The following SLC49A4 variants were observed in gnomAD, a reference collection of about 807,000 sequenced individuals.
SLC49A4 encodes the protein solute carrier family 49 member 4.
A neutral mutation model predicts 50.6 loss-of-function variants in SLC49A4; 36 were observed. The observed-to-expected ratio is 0.71, with a 90% CI of 0.55 to 0.94. The LOEUF is 0.94. Among genes scored for constraint, SLC49A4 ranks in the 40% least tolerant of loss-of-function variants. The pLI is 0.00. For synonymous variants in SLC49A4, 248 were observed against 241.2 expected (o/e 1.03, Z -0.26); for missense variants, 503 against 605.7 (o/e 0.83, Z 1.78).
chr3:122,852,819 T>A (rs1437725029), intron 5 of SLC49A4, among the ~76,000 whole-genome samples: 1 of 152,214 alleles, frequency 6.6e-6, no homozygotes, highest in Non-Finnish European at 1.5e-5. Flanking sequence ...CCACCTTGTC[T>A]GAAATTAGCA....
intron 8 of SLC49A4, among the ~76,000 whole-genome samples, chr3:122,873,187 T>TC (rs1295118016): frequency 6.6e-6 from 1 of 152,120 alleles, no homozygotes; most frequent in African/African-American, 2.4e-5. Context: ...TTGAAACTTT[T>TC]TTTTTTTTTT....
At chr3:122,857,840 T>TA (rs2107578795) in intron 6 of SLC49A4, among the ~76,000 whole-genome samples, 2 of 152,256 alleles carry the variant, frequency 1.3e-5, no homozygotes, top group South Asian at 4.2e-4. Flanking sequence ...GGGGAACAAT[T>TA]ATGTATCAAA....
At chr3:122,871,848 G>T (rs1198413390) in intron 7 of SLC49A4, among the ~76,000 whole-genome samples, 1 of 151,952 alleles carries the variant, frequency 6.6e-6, no homozygotes, top group Non-Finnish European at 1.5e-5. Flanking sequence ...TACATTTCTG[G>T]ATGAAGTCTT....
At chr3:122,806,723 CA>C in intron 1 of SLC49A4, 133 bp from the exon 2 acceptor site, 2 of 560,796 alleles carry the variant, frequency 3.6e-6, no homozygotes. Flanking sequence ...TTTTTTTTTC[CA>C]TTTTTAAAGT....
chr3:122,810,878 A>C (rs1936288916), intron 2 of SLC49A4, among the ~76,000 whole-genome samples: 1 of 152,222 alleles, frequency 6.6e-6, no homozygotes, highest in African/African-American at 2.4e-5. Flanking sequence ...CTGCTTAGCT[A>C]TCTGAATAAA....
At chr3:122,860,462 G>T (rs1184252576) in intron 7 of SLC49A4, among the ~76,000 whole-genome samples, 1 of 152,104 alleles carries the variant, frequency 6.6e-6, no homozygotes, top group Non-Finnish European at 1.5e-5. Flanking sequence ...GCTTATATTT[G>T]TTTAAAATTT....
intron 5 of SLC49A4, among the ~76,000 whole-genome samples, chr3:122,854,863 G>A (rs990563532): frequency 1.8e-4 from 27 of 152,088 alleles, no homozygotes; most frequent in East Asian, 3.9e-4. Context: ...AGGCCGAGGC[G>A]GGCGGATCAC....
At chr3:122,801,698 C>A (rs1251345210) in intron 1 of SLC49A4, among the ~76,000 whole-genome samples, 1 of 152,142 alleles carries the variant, frequency 6.6e-6, no homozygotes, top group African/African-American at 2.4e-5. Flanking sequence ...AAGAGCGTAC[C>A]TCAGACCATG....
intron 4 of SLC49A4, among the ~76,000 whole-genome samples, chr3:122,835,729 G>A (rs971564076): frequency 2.6e-5 from 4 of 152,168 alleles, no homozygotes; most frequent in Admixed American, 2.0e-4. Context: ...ACTTCAGTTC[G>A]AAAGTACTAG....
intron 8 of SLC49A4, among the ~76,000 whole-genome samples, chr3:122,874,540 TA>T (rs1937238482): frequency 6.6e-6 from 1 of 152,066 alleles, no homozygotes; most frequent in Non-Finnish European, 1.5e-5. Context: ...GTGTAGATGT[TA>T]AAAAGTTTCC....
At position 122,845,786 on chromosome 3, in the gene SLC49A4, C is replaced by T. The variant is rs1936840645; in HGVS notation, c.857C>T (p.Ala286Val). ...AGCAATTTTCGATTTTTGATGATTG[C>T]TTTAGCATATGCCATACCACTTGGT... ...LLSNFRFLMIALAYAIPLGVF... is the reference protein window; with the variant it reads ...LLSNFRFLMIVLAYAIPLGVF... Residue 286 changes from alanine (A) to valine (V), a missense_variant, in exon 5 of 9, where the codon GCT becomes GTT. Physicochemically the swap from Ala to Val is moderately conservative, Grantham distance 64 (BLOSUM62 0). Transcript: ENST00000261038. 2 of 1,602,564 alleles carry T rather than the reference C, an allele frequency of 1.2e-6. No homozygotes were observed. The highest frequency in any genetic ancestry group is 2.7e-5 in the African/African-American group (2 of 74,450).
chr3:122,798,634 C>CTTTT lies in SLC49A4; in HGVS notation c.343+3124_343+3127dup, dbSNP rs71136594. On this transcript the variant is annotated intron_variant, in intron 1 of 8. Coordinates refer to ENST00000261038, the MANE Select transcript of SLC49A4 (RefSeq NM_032839.3). ...CTGGCATCCTTGGGTACTAAAATAT[C>CTTTT]TTTTTTTTTTTTTTTTTTTTTTTTT... is the stretch of plus-strand genomic sequence containing the variant. Among the ~76,000 whole-genome samples the CTTTT allele has an allele frequency of 2.1e-3, 129 of 62,848 alleles. 20 individuals carry two copies. The highest frequency in any genetic ancestry group is 2.6e-3 in the Non-Finnish European group (96 of 36,444). 41.2% of individuals were successfully genotyped at this position (62,848 alleles called of 152,430 possible).
At chr3:122,877,104 A>G (rs765292973) in intron 8 of SLC49A4, among the ~76,000 whole-genome samples, 4 of 152,230 alleles carry the variant, frequency 2.6e-5, no homozygotes, top group Non-Finnish European at 5.9e-5. Flanking sequence ...CATCAGGGTC[A>G]GAAAGGGGAT....
At chr3:122,856,708 C>T (rs1436149428) in intron 6 of SLC49A4, among the ~76,000 whole-genome samples, 10 of 151,892 alleles carry the variant, frequency 6.6e-5, no homozygotes, top group East Asian at 1.9e-4. Flanking sequence ...TGGTGATGAG[C>T]GCCTGTAGTC....
chr3:122,845,802 A>G lies in SLC49A4; in HGVS notation c.873A>G (p.Ile291Met), dbSNP rs1342224940. The G allele has an allele frequency of 3.1e-6, 5 of 1,612,052 alleles. No individual in the cohort carries two copies. The highest frequency in any genetic ancestry group is 1.7e-5 in the Admixed American group (1 of 59,632). ...TGATGATTGCTTTAGCATATGCCATACCACTTGGTGTATTTGCTGGCTGGT... is the reference window on the plus strand; with the variant it reads ...TGATGATTGCTTTAGCATATGCCATGCCACTTGGTGTATTTGCTGGCTGGT... ...RFLMIALAYA[I>M]PLGVFAGWSG... Residue 291 changes from isoleucine to methionine, a missense_variant, in exon 5 of 9, where the codon ATA becomes ATG. Coordinates refer to ENST00000261038, the MANE Select transcript of SLC49A4 (RefSeq NM_032839.3).
At chr3:122,830,604 A>G (rs924812227) in intron 3 of SLC49A4, among the ~76,000 whole-genome samples, 2 of 152,226 alleles carry the variant, frequency 1.3e-5, no homozygotes, top group African/African-American at 4.8e-5. Context: ...GGAATAACTG[A>G]ATATCCAAAT....
At chr3:122,851,066 C>T (rs1213258126) in intron 5 of SLC49A4, among the ~76,000 whole-genome samples, 1 of 152,198 alleles carries the variant, frequency 6.6e-6, no homozygotes, top group Non-Finnish European at 1.5e-5. Context: ...TTTACCTTTT[C>T]TAGGATAATC....
intron 2 of SLC49A4, among the ~76,000 whole-genome samples, chr3:122,825,011 G>A (rs1936507388): frequency 6.6e-6 from 1 of 152,006 alleles, no homozygotes. Context: ...GGGGTTACAG[G>A]CATGAGCCAC....
intron 8 of SLC49A4, among the ~76,000 whole-genome samples, chr3:122,879,041 A>G (rs1010643154): frequency 6.6e-6 from 1 of 152,244 alleles, no homozygotes; most frequent in African/African-American, 2.4e-5. Flanking sequence ...AAAGTTATGA[A>G]CAATATTGAT....
Sources: allele counts gnomAD v4.1 joint callset (sites outside exome capture counted in the v4.1 genomes callset), GRCh38; gene constraint gnomAD v4.1.1; transcripts MANE v1.5; gene names NCBI Gene and HGNC (gene_info 2026-07-23, HGNC 2026-07-21).